SLC35F1: variants seen among roughly 807,000 people sequenced by gnomAD.
SLC35F1 encodes the protein solute carrier family 35 member F1.
Under a neutral mutation model 48.7 loss-of-function variants are expected in SLC35F1, and 14 were observed. The observed-to-expected ratio is 0.29, with a 90% CI of 0.19 to 0.45. The LOEUF is 0.45. Among genes scored for constraint, SLC35F1 ranks in the 20% least tolerant of loss-of-function variants. The pLI is 1.00. For synonymous variants in SLC35F1, 190 were observed against 202.2 expected, an observed-to-expected ratio of 0.94 and a Z score of 0.51; for missense variants, 404 against 500.0, an observed-to-expected ratio of 0.81 and a Z score of 1.83.
intron 1 of SLC35F1, among the ~76,000 whole-genome samples, chr6:117,996,827 A>T (rs1776999409): frequency 6.6e-6 from 1 of 152,200 alleles, no homozygotes; most frequent in African/African-American, 2.4e-5. Flanking sequence ...ATGGGGAAAA[A>T]ACAGAGCAGA....
At chr6:117,977,195 T>C (rs1452999009) in intron 1 of SLC35F1, among the ~76,000 whole-genome samples, 1 of 144,380 alleles carries the variant, frequency 6.9e-6, no homozygotes, top group Admixed American at 6.8e-5. Flanking sequence ...TTCTTTTTCT[T>C]TCTTTCTTTT....
intron 1 of SLC35F1, among the ~76,000 whole-genome samples, chr6:118,027,135 AATTT>A (rs1771970671): frequency 1.3e-5 from 2 of 152,082 alleles, no homozygotes; most frequent in Non-Finnish European, 2.9e-5. Context: ...ATGTATTAGT[AATTT>A]ATTTATTTTT....
intron 2 of SLC35F1, among the ~76,000 whole-genome samples, chr6:118,164,686 T>A (rs1044431415): frequency 1.1e-4 from 16 of 152,230 alleles, no homozygotes; most frequent in African/African-American, 2.7e-4. Context: ...TACTAAATAT[T>A]GATTCTTCTC....
At chr6:118,056,501 T>C (rs1772465601) in intron 1 of SLC35F1, among the ~76,000 whole-genome samples, 1 of 152,174 alleles carries the variant, frequency 6.6e-6, no homozygotes, top group Non-Finnish European at 1.5e-5. Flanking sequence ...AGTCCCCTTT[T>C]ATATTCTGGA....
chr6:117,971,230 C>T (rs1335870828), intron 1 of SLC35F1, among the ~76,000 whole-genome samples: 1 of 152,186 alleles, frequency 6.6e-6, no homozygotes, highest in African/African-American at 2.4e-5. Flanking sequence ...AGTCATTAAA[C>T]CTTCAAGTTC....
intron 1 of SLC35F1, among the ~76,000 whole-genome samples, chr6:118,071,218 G>T (rs1264899717): frequency 6.8e-6 from 1 of 146,836 alleles, no homozygotes; most frequent in African/African-American, 2.5e-5. Flanking sequence ...TATATACTAT[G>T]TGTATATATT....
intron 2 of SLC35F1, among the ~76,000 whole-genome samples, chr6:118,233,635 A>G (rs1775325327): frequency 6.6e-6 from 1 of 152,132 alleles, no homozygotes. Context: ...GTATATGAGT[A>G]AGACATTAAC....
chr6:118,157,997 C>T (rs1248947049), intron 2 of SLC35F1, among the ~76,000 whole-genome samples: 1 of 152,082 alleles, frequency 6.6e-6, no homozygotes, highest in Non-Finnish European at 1.5e-5. Flanking sequence ...TGGAAAGAGG[C>T]TAAGGACTAG....
chr6:118,151,638 C>T (rs921303094), intron 1 of SLC35F1, among the ~76,000 whole-genome samples: 9 of 152,124 alleles, frequency 5.9e-5, no homozygotes, highest in East Asian at 1.9e-4. Context: ...GCCTCAGTCT[C>T]CCAAGGAGCT....
chr6:118,236,441 A>G (rs962756556), intron 3 of SLC35F1, among the ~76,000 whole-genome samples: 1 of 152,192 alleles, frequency 6.6e-6, no homozygotes, highest in Non-Finnish European at 1.5e-5. Flanking sequence ...TTGTTCTCAT[A>G]TTAGATTTAG....
chr6:118,072,764 GT>G (rs1358736874), intron 1 of SLC35F1, among the ~76,000 whole-genome samples: 1 of 152,084 alleles, frequency 6.6e-6, no homozygotes. Context: ...TGTGTGGAGG[GT>G]TTTTATTTGA....
intron 1 of SLC35F1, among the ~76,000 whole-genome samples, chr6:117,923,624 T>C (rs865836757): frequency 5.8e-5 from 2 of 34,312 alleles, no homozygotes; most frequent in East Asian, 9.5e-4. Flanking sequence ...CATATGTATA[T>C]ATACATATAT....
chr6:117,949,895 A>G (rs1339118043), intron 1 of SLC35F1, among the ~76,000 whole-genome samples: 1 of 152,044 alleles, frequency 6.6e-6, no homozygotes. Context: ...TTGATAATGT[A>G]TCCTCTCAGG....
At chr6:118,153,737 A>G (rs1774097797) in intron 1 of SLC35F1, among the ~76,000 whole-genome samples, 1 of 152,230 alleles carries the variant, frequency 6.6e-6, no homozygotes, top group South Asian at 2.1e-4. Flanking sequence ...GCATAATTTG[A>G]AAGGTTGTAT....
At chr6:118,057,682 C>T (rs1228342477) in intron 1 of SLC35F1, among the ~76,000 whole-genome samples, 2 of 152,084 alleles carry the variant, frequency 1.3e-5, no homozygotes, top group Non-Finnish European at 2.9e-5. Flanking sequence ...TGGACAAATC[C>T]TGATTTATCA....
At chr6:118,100,142 A>G (rs1562290192) in intron 1 of SLC35F1, among the ~76,000 whole-genome samples, 4 of 152,188 alleles carry the variant, frequency 2.6e-5, no homozygotes, top group African/African-American at 9.7e-5. Flanking sequence ...CACATGAGCT[A>G]TAAGTGACAG....
chr6:118,152,400 C>T (rs205968), intron 1 of SLC35F1, among the ~76,000 whole-genome samples: 120,922 of 152,084 alleles, frequency 0.8, 48,266 homozygotes, highest in South Asian at 0.9. Context: ...TAACAAACCA[C>T]TGTACATCTA....
At chr6:118,096,123 C>A (rs183952402) in intron 1 of SLC35F1, among the ~76,000 whole-genome samples, 387 of 152,302 alleles carry the variant, frequency 2.5e-3, no homozygotes, top group Non-Finnish European at 3.6e-3. Context: ...TTTCTCCAAA[C>A]TTTTTGGATC....
At chr6:118,170,156 T>C (rs1416460602) in intron 2 of SLC35F1, among the ~76,000 whole-genome samples, 1 of 152,230 alleles carries the variant, frequency 6.6e-6, no homozygotes, top group African/African-American at 2.4e-5. Flanking sequence ...GCATTTTTGC[T>C]AAACTCAAAG....
Sources: gnomAD v4.1 joint callset for allele counts (sites outside exome capture counted in the v4.1 genomes callset) on GRCh38, gnomAD v4.1.1 for gene constraint, MANE v1.5 for transcripts, NCBI Gene and HGNC (gene_info 2026-07-23, HGNC 2026-07-21) for gene names.